ZNF324B: variants seen among roughly 807,000 people sequenced by gnomAD.
ZNF324B encodes zinc finger protein 324B.
Under a neutral mutation model 10.6 loss-of-function variants are expected in ZNF324B, and 7 were observed. The observed-to-expected ratio is 0.66, with a 90% CI of 0.38 to 1.24. ZNF324B has a LOEUF of 1.24. ZNF324B is among the 50% of genes most tolerant of loss of function. The probability of loss-of-function intolerance (pLI) is 0.02; values close to 1 mark genes in which losing one functional copy is unlikely to be tolerated. For synonymous variants in ZNF324B, 316 were observed against 321.0 expected (o/e 0.98, Z 0.17); for missense variants, 640 against 764.7 (o/e 0.84, Z 1.92).
chr19:58,433,447 T>C, the ZNF324B span: 3 of 1,602,074 alleles, frequency 1.9e-6, no homozygotes, highest in Non-Finnish European at 8.5e-7. Flanking sequence ...TGTAGATCTT[T>C]CACTAAAGGC....
At chr19:58,453,852 C>T in intron 2 of ZNF324B, 30 bp downstream of exon 2, 2 of 1,603,744 alleles carry the variant, frequency 1.2e-6, no homozygotes, top group South Asian at 1.1e-5. Flanking sequence ...ATGAAAAGTG[C>T]ACTTGGTGAC....
the ZNF324B span, among the ~76,000 whole-genome samples, chr19:58,431,322 G>A: frequency 6.6e-6 from 1 of 152,212 alleles, no homozygotes; most frequent in Non-Finnish European, 1.5e-5. Context: ...CCACTACTGA[G>A]CCTGTTAGGT....
At chr19:58,448,634 G>A (rs150374571), upstream of ZNF324B, among the ~76,000 whole-genome samples, 936 of 152,294 alleles carry the variant, frequency 6.1e-3, 14 homozygotes, top group African/African-American at 0.022. Context: ...GGCTGAGGCA[G>A]GAGACTGGCA....
the ZNF324B span, among the ~76,000 whole-genome samples, chr19:58,426,200 T>A: frequency 1.3e-5 from 2 of 151,984 alleles, no homozygotes; most frequent in Admixed American, 1.3e-4. Context: ...GGGCTGGGGG[T>A]AGAGGATCTG....
chr19:58,434,018 G>A, the ZNF324B span: 210 of 1,614,090 alleles, frequency 1.3e-4, no homozygotes, highest in Middle Eastern at 1.6e-4. Context: ...TTCTGATGTC[G>A]AAGGAGATGG....
At chr19:58,424,106 AG>A in the ZNF324B span, among the ~76,000 whole-genome samples, 1 of 151,626 alleles carries the variant, frequency 6.6e-6, no homozygotes, top group Non-Finnish European at 1.5e-5. Context: ...AAAATTAGCC[AG>A]GTGTGGTGGC....
chr19:58,434,991 A>G, the ZNF324B span: 4 of 1,614,148 alleles, frequency 2.5e-6, no homozygotes, highest in Non-Finnish European at 3.4e-6. Context: ...CATTCAACCA[A>G]AAGTCTCTCC....
chr19:58,425,611 C>G, the ZNF324B span, among the ~76,000 whole-genome samples: 24,025 of 151,646 alleles, frequency 0.16, 6,148 homozygotes, highest in African/African-American at 0.54. Context: ...ACTGGGATTA[C>G]AGCCGCCACC....
rs749862331 is a variant in ZNF324B at position 58,456,113 on chromosome 19, C to G, written c.1169C>G (p.Thr390Arg). ...TCGCACCTGATCCAGCACGAGCGTA[C>G]GCACACAGGCGAGAAGCCCTTCGTA... ...RNSHLIQHER[T>R]HTGEKPFVCA... The change falls in exon 4 of 4, where the codon ACG (threonine) becomes AGG (arginine). Residue 390 changes from threonine (T) to arginine (R), a missense_variant. Coordinates refer to ENST00000336614, the MANE Select transcript of ZNF324B (RefSeq NM_207395.3). The surrounding 1 kb of genome is among the most constrained non-coding windows in gnomAD (Gnocchi z 4.7). 1.2e-6 allele frequency: 2 copies of G among 1,613,116 alleles called. No individual in the cohort carries two copies. The highest frequency in any genetic ancestry group is 1.3e-5 in the African/African-American group (1 of 74,928).
the ZNF324B span, chr19:58,436,956 C>T: frequency 6.4e-7 from 1 of 1,569,348 alleles, no homozygotes; most frequent in Non-Finnish European, 8.8e-7. Context: ...GAAGCAGTAC[C>T]CATGATCTGG....
chr19:58,435,427 G>C, the ZNF324B span: 1 of 535,702 alleles, frequency 1.9e-6, no homozygotes, highest in Non-Finnish European at 3.3e-6. Context: ...CCAGGGGTAA[G>C]GACACAGAAA....
At chr19:58,422,334 A>T in the ZNF324B span, among the ~76,000 whole-genome samples, 2 of 152,178 alleles carry the variant, frequency 1.3e-5, no homozygotes, top group Non-Finnish European at 2.9e-5. Flanking sequence ...AAAGGCTGAA[A>T]GCTTTTTCTC....
chr19:58,448,985 T>C (rs1190716494), upstream of ZNF324B, among the ~76,000 whole-genome samples: 2 of 152,210 alleles, frequency 1.3e-5, no homozygotes, highest in Non-Finnish European at 2.9e-5. Flanking sequence ...CTCCAGGACA[T>C]GTCAGAGACC....
chr19:58,428,554 C>A, the ZNF324B span: 1 of 152,182 alleles, frequency 6.6e-6, no homozygotes, highest in South Asian at 2.1e-4. Context: ...ATAAGCCACT[C>A]CAGACCATGA....
In ZNF324B at chr19:58,457,668, A is replaced by C. The variant is rs2052935737; in HGVS notation, c.*1089A>C. On this transcript the variant is annotated 3_prime_UTR_variant, in exon 4 of 4. Transcript: ENST00000336614. ...CCCCAACCCAGTGTGATGGGCCTGC[A>C]TGGCAGAGACAAAAGGGTAGACTGG... The C allele has an allele frequency of 6.6e-6, 1 of 152,102 alleles. No homozygotes were observed. The allele number at this position is 152,102 out of a possible 1,614,324, so 9.4% of individuals were successfully genotyped here.
rs2052915110 is a variant in ZNF324B, at chr19:58,455,950, A to G, written c.1006A>G (p.Thr336Ala). The G allele has an allele frequency of 1.3e-6, 2 of 1,593,828 alleles. No individual in the cohort carries two copies. The highest frequency in any genetic ancestry group is 1.7e-6 in the Non-Finnish European group (2 of 1,167,824). The change falls in exon 4 of 4, where the codon ACG becomes GCG. Residue 336 changes from threonine to alanine, a missense_variant. By Grantham distance (58) the Thr-to-Ala change is moderately conservative (BLOSUM62 0). This residue lies in a region of ZNF324B where 57 missense variants were observed against 118.8 expected (regional missense o/e 0.48). Transcript: ENST00000336614. The surrounding 1 kb of genome is among the most constrained non-coding windows in gnomAD (Gnocchi z 7.0). ...SSLVRHQRIH[T>A]AEKSFRCSEC... The stretch of plus-strand genomic sequence containing the variant: ...GCTGGTGCGGCACCAGCGCATCCAC[A>G]CGGCCGAGAAGTCCTTCCGCTGCTC...
chr19:58,454,419 G>C (rs1485706961), intron 3 of ZNF324B, 75 bp downstream of exon 3: 1 of 938,754 alleles, frequency 1.1e-6, no homozygotes, highest in Admixed American at 1.8e-5. Context: ...TTCTGACTCT[G>C]GAAACACATC....
chr19:58,427,358 C>CTCT, the ZNF324B span, among the ~76,000 whole-genome samples: 1 of 55,158 alleles, frequency 1.8e-5, no homozygotes, highest in South Asian at 1.0e-3. Flanking sequence ...TCCTTTCTTT[C>CTCT]TTTCTTTCTT....
In ZNF324B at chr19:58,457,368, C is replaced by G. The variant is rs554186011; in HGVS notation, c.*789C>G. 1 of 152,564 alleles carries G rather than the reference C, an allele frequency of 6.6e-6. No homozygotes were observed. The highest frequency in any genetic ancestry group is 1.5e-5 in the Non-Finnish European group (1 of 68,088). The allele number at this position is 152,564 out of a possible 1,614,324, so 9.5% of individuals were successfully genotyped here. A position where few individuals can be genotyped will look rare whatever the true frequency, so the allele number is the denominator to read the frequency against. On this transcript the variant is annotated 3_prime_UTR_variant, in exon 4 of 4. Transcript: ENST00000336614. ...AGTGGCACTCGTTCAGGTTTTCGTC[C>G]AAGTCTCAGCTTGGCCAAGGCCTGT...
Sources: allele counts gnomAD v4.1 joint callset (sites outside exome capture counted in the v4.1 genomes callset), GRCh38; gene constraint gnomAD v4.1.1; regional missense constraint gnomAD v4.1.1; non-coding constraint Gnocchi (gnomAD v3.1); transcripts MANE v1.5; gene names NCBI Gene and HGNC (gene_info 2026-07-23, HGNC 2026-07-21).